MCC: variants seen among roughly 807,000 people sequenced by gnomAD.
MCC encodes MCC regulator of Wnt signaling pathway, also known as colorectal mutant cancer protein.
In MCC, 90 loss-of-function variants were observed where a neutral mutation model predicts 116.2. The ratio of observed to expected loss-of-function variants is 0.77; its 90% CI spans 0.65 to 0.92. MCC has a LOEUF of 0.92. Among genes scored for constraint, MCC ranks in the 40% least tolerant of loss-of-function variants. The pLI is 0.00. For synonymous variants in MCC, 578 were observed against 510.5 expected, an observed-to-expected ratio of 1.13 and a Z score of -1.78; for missense variants, 1,516 against 1,312.2, an observed-to-expected ratio of 1.16 and a Z score of -2.40.
At chr5:113,160,725 T>C (rs1002396197) in intron 3 of MCC, among the ~76,000 whole-genome samples, 1 of 152,228 alleles carries the variant, frequency 6.6e-6, no homozygotes, top group Non-Finnish European at 1.5e-5. Flanking sequence ...TTAGCACAAT[T>C]AGCATGGGGG....
intron 8 of MCC, among the ~76,000 whole-genome samples, chr5:113,096,504 C>T (rs1437953959): frequency 1.3e-5 from 2 of 152,206 alleles, no homozygotes; most frequent in Admixed American, 6.5e-5. Context: ...CGGCCAAGCC[C>T]GGCTGGTATC....
intron 3 of MCC, among the ~76,000 whole-genome samples, chr5:113,181,714 C>T (rs1227003882): frequency 6.6e-6 from 1 of 152,106 alleles, no homozygotes; most frequent in African/African-American, 2.4e-5. Flanking sequence ...AAACCTCAAA[C>T]CAAAATGAAG....
chr5:113,294,192 A>G lies in MCC; in HGVS notation c.627+46327T>C, dbSNP rs527724731. The G allele has an allele frequency of 5.5e-4, 574 of 1,045,396 alleles. 5 individuals are homozygous for G. The South Asian group carries it at 7.1e-3, about 13-fold the overall frequency. The allele number at this position is 1,045,396 out of a possible 1,614,324, so 64.8% of individuals were successfully genotyped here. On this transcript the variant is annotated intron_variant, in intron 3 of 18. Transcript: ENST00000408903. ...TAAAACAAGATCCAGAAAATCTACT[A>G]ATCTTCAATTGCGCTGCCTCCAGAC...
At chr5:113,180,047 A>G (rs1391295692) in intron 3 of MCC, among the ~76,000 whole-genome samples, 1 of 152,180 alleles carries the variant, frequency 6.6e-6, no homozygotes, top group East Asian at 1.9e-4. Context: ...AAGTACAAAG[A>G]GGATTTCCAT....
At chr5:113,447,999 G>A (rs1378583127) in intron 1 of MCC, 13 of 152,174 alleles carry the variant, frequency 8.5e-5, no homozygotes, top group Admixed American at 8.5e-4. Context: ...AGGTGTAGAG[G>A]GACTGGAAAA....
At chr5:113,412,000 T>C (rs935638974) in intron 1 of MCC, among the ~76,000 whole-genome samples, 3 of 152,210 alleles carry the variant, frequency 2.0e-5, no homozygotes, top group African/African-American at 7.2e-5. Context: ...GGCTAGCCAG[T>C]TTTCCCAGCA....
chr5:113,036,979 G>A (rs1460138935), intron 17 of MCC, among the ~76,000 whole-genome samples: 1 of 152,180 alleles, frequency 6.6e-6, no homozygotes, highest in Admixed American at 6.5e-5. Context: ...GGAATTCTAA[G>A]CACAACTTCC....
intron 3 of MCC, among the ~76,000 whole-genome samples, chr5:113,169,090 C>A (rs540067948): frequency 1.3e-5 from 2 of 152,050 alleles, no homozygotes; most frequent in East Asian, 3.9e-4. Flanking sequence ...AAACTCCCAC[C>A]GTCCCAGACT....
chr5:113,142,800 G>A (rs1477457929), intron 5 of MCC, among the ~76,000 whole-genome samples: 1 of 152,202 alleles, frequency 6.6e-6, no homozygotes, highest in African/African-American at 2.4e-5. Context: ...CTCCAAGGGA[G>A]GGACACAGTT....
chr5:113,430,787 C>T (rs1580363845), intron 1 of MCC, among the ~76,000 whole-genome samples: 1 of 151,992 alleles, frequency 6.6e-6, no homozygotes, highest in Admixed American at 6.6e-5. Flanking sequence ...GGAGGGTGGT[C>T]AGCGTGAAGA....
chr5:113,121,974 C>T (rs1259137214), intron 6 of MCC, among the ~76,000 whole-genome samples: 1 of 152,176 alleles, frequency 6.6e-6, no homozygotes, highest in Admixed American at 6.5e-5. Context: ...TGACTGCAAC[C>T]CAGTTAGAAC....
chr5:113,418,026 T>G (rs1162440791), intron 1 of MCC, among the ~76,000 whole-genome samples: 1 of 152,164 alleles, frequency 6.6e-6, no homozygotes, highest in Non-Finnish European at 1.5e-5. Flanking sequence ...CTACAGAATT[T>G]AGAAGGTGAC....
At chr5:113,189,044 T>C (rs1312376911) in intron 3 of MCC, among the ~76,000 whole-genome samples, 2 of 152,178 alleles carry the variant, frequency 1.3e-5, no homozygotes, top group Non-Finnish European at 2.9e-5. Flanking sequence ...AGAGACAGCT[T>C]CACCTTGGAG....
At chr5:113,147,230 G>A (rs181161850) in intron 4 of MCC, among the ~76,000 whole-genome samples, 20 of 152,180 alleles carry the variant, frequency 1.3e-4, no homozygotes, top group African/African-American at 4.6e-4. Context: ...AAGCAACATC[G>A]TCATTTCAAC....
At position 113,172,874 on chromosome 5, in the gene MCC, A is replaced by T. The variant is rs531868282; in HGVS notation, c.628-21452T>A. Among the ~76,000 whole-genome samples the T allele has an allele frequency of 5.4e-5, 8 of 146,914 alleles. No homozygotes were observed. In the South Asian group the frequency reaches 1.3e-3, roughly 23 times the overall value. On this transcript the variant is annotated intron_variant, in intron 3 of 18. Transcript: ENST00000408903. ...CTCCTAACATGTGTAGATATATCAC[A>T]TATTTTTTTTTTGCCAATTTGATTC...
intron 3 of MCC, among the ~76,000 whole-genome samples, chr5:113,250,151 T>C (rs377366966): frequency 1.6e-4 from 25 of 152,204 alleles, no homozygotes; most frequent in African/African-American, 4.6e-4. Context: ...GAGTTGAAGA[T>C]GGTCAGTGAA....
chr5:113,065,044 G>C (rs867521993), intron 13 of MCC, among the ~76,000 whole-genome samples: 3 of 152,114 alleles, frequency 2.0e-5, no homozygotes, highest in Admixed American at 6.5e-5. Context: ...GATGGGGTTG[G>C]GGGAGGAATG....
intron 1 of MCC, among the ~76,000 whole-genome samples, chr5:113,394,509 A>G (rs2150396525): frequency 6.6e-6 from 1 of 152,324 alleles, no homozygotes. Flanking sequence ...TTCTTGCTGA[A>G]GTAGGTAGCC....
At chr5:113,130,192 T>C (rs1394367106) in intron 5 of MCC, among the ~76,000 whole-genome samples, 3 of 152,170 alleles carry the variant, frequency 2.0e-5, no homozygotes, top group Non-Finnish European at 2.9e-5. Flanking sequence ...TGCAGGGACA[T>C]GGATGAAGCT....
Sources: allele counts gnomAD v4.1 joint callset (sites outside exome capture counted in the v4.1 genomes callset), GRCh38; gene constraint gnomAD v4.1.1; transcripts MANE v1.5; gene names NCBI Gene and HGNC (gene_info 2026-07-23, HGNC 2026-07-21).